SSBP2: variants seen among roughly 807,000 people sequenced by gnomAD.
SSBP2 encodes single-stranded DNA-binding protein 2.
In SSBP2, 17 loss-of-function variants were observed where a neutral mutation model predicts 61.8. The ratio of observed to expected loss-of-function variants is 0.28; its 90% CI spans 0.19 to 0.41. The LOEUF (loss-of-function observed/expected upper bound fraction) is 0.41, where lower values mean the gene tolerates loss of function less well. SSBP2 is among the 10% of genes least tolerant of loss of function. SSBP2 has a pLI of 1.00. For missense variants in SSBP2, 310 were observed against 458.7 expected (o/e 0.68, Z 2.96); for synonymous variants, 139 against 141.3 (o/e 0.98, Z 0.12).
intron 4 of SSBP2, among the ~76,000 whole-genome samples, chr5:81,567,480 G>C (rs185556758): frequency 6.6e-6 from 1 of 152,354 alleles, no homozygotes; most frequent in East Asian, 1.9e-4. Flanking sequence ...TGGATGCCCA[G>C]GCAGAAGTTT....
At chr5:81,720,833 A>G (rs1030559379) in intron 1 of SSBP2, among the ~76,000 whole-genome samples, 4 of 152,230 alleles carry the variant, frequency 2.6e-5, no homozygotes, top group Non-Finnish European at 5.9e-5. Flanking sequence ...GGTAAGATTC[A>G]TTTTACTGTT....
intron 1 of SSBP2, among the ~76,000 whole-genome samples, chr5:81,720,044 G>A (rs1423311212): frequency 1.3e-5 from 2 of 152,064 alleles, no homozygotes; most frequent in Non-Finnish European, 2.9e-5. Flanking sequence ...CAGCCCTGGA[G>A]GAGTAGTCTG....
chr5:81,683,998 G>A (rs1380764201), intron 1 of SSBP2, among the ~76,000 whole-genome samples: 2 of 152,160 alleles, frequency 1.3e-5, no homozygotes, highest in East Asian at 1.9e-4. Flanking sequence ...TTCATTGCTG[G>A]TGGAAATGCA....
At chr5:81,459,648 C>CA (rs1293054208) in intron 10 of SSBP2, among the ~76,000 whole-genome samples, 1 of 151,978 alleles carries the variant, frequency 6.6e-6, no homozygotes, top group East Asian at 1.9e-4. Context: ...AGTTTTGTTA[C>CA]AAAAAATGTT....
chr5:81,553,584 C>G (rs973915120), intron 4 of SSBP2, among the ~76,000 whole-genome samples: 14 of 152,034 alleles, frequency 9.2e-5, no homozygotes, highest in African/African-American at 3.4e-4. Context: ...GAATAATTCT[C>G]CTTTATGTTT....
At chr5:81,503,609 A>C (rs1767964124) in intron 5 of SSBP2, among the ~76,000 whole-genome samples, 1 of 152,220 alleles carries the variant, frequency 6.6e-6, no homozygotes, top group Non-Finnish European at 1.5e-5. Context: ...ACTACTATTC[A>C]ACTAGCAATC....
intron 15 of SSBP2, 69 bp from the exon 16 acceptor site, chr5:81,428,752 C>T (rs553405001): frequency 5.4e-5 from 60 of 1,114,540 alleles, no homozygotes; most frequent in Admixed American, 1.2e-4. Flanking sequence ...TGTACTGTTT[C>T]GAATATTGAA....
chr5:81,475,292 T>A (rs1245432107), intron 6 of SSBP2, among the ~76,000 whole-genome samples: 3 of 152,106 alleles, frequency 2.0e-5, no homozygotes, highest in South Asian at 4.1e-4. Flanking sequence ...TCCAAAAAAA[T>A]TCACTAATTT....
chr5:81,417,547 T>C lies in SSBP2; in HGVS notation c.*2957A>G, dbSNP rs987164907. On this transcript the variant is annotated 3_prime_UTR_variant, in exon 17 of 17. Coordinates refer to ENST00000320672, the MANE Select transcript of SSBP2 (RefSeq NM_012446.5). ...GTGTAAAAATAACACTAGGAACAGGTAGTATACATCAAGACCAACACGAAT... is the reference window on the plus strand; with the variant it reads ...GTGTAAAAATAACACTAGGAACAGGCAGTATACATCAAGACCAACACGAAT... The C allele has an allele frequency of 4.6e-5, 7 of 152,178 alleles. No homozygotes were observed. The highest frequency in any genetic ancestry group is 2.0e-4 in the Admixed American group (3 of 15,280). The allele number at this position is 152,178 out of a possible 1,614,324, so 9.4% of individuals were successfully genotyped here. A position where few individuals can be genotyped will look rare whatever the true frequency, so the allele number is the denominator to read the frequency against.
intron 3 of SSBP2, among the ~76,000 whole-genome samples, chr5:81,630,095 T>C (rs980060510): frequency 2.0e-5 from 3 of 152,194 alleles, no homozygotes; most frequent in African/African-American, 7.2e-5. Flanking sequence ...AGTCATAAAA[T>C]TAACAACTGG....
intron 1 of SSBP2, among the ~76,000 whole-genome samples, chr5:81,693,078 G>A (rs540633886): frequency 5.9e-5 from 9 of 151,780 alleles, no homozygotes; most frequent in Admixed American, 1.3e-4. Flanking sequence ...GGTGGCACGC[G>A]CCTGTAGTCC....
At chr5:81,425,295 A>G (rs978455017) in intron 16 of SSBP2, among the ~76,000 whole-genome samples, 3 of 152,178 alleles carry the variant, frequency 2.0e-5, no homozygotes, top group Non-Finnish European at 2.9e-5. Flanking sequence ...ATTTTCTTAG[A>G]GAGAAATAAA....
chr5:81,730,660 T>C (rs2153990256), intron 1 of SSBP2, among the ~76,000 whole-genome samples: 1 of 152,346 alleles, frequency 6.6e-6, no homozygotes, highest in African/African-American at 2.4e-5. Context: ...AAATTATAGG[T>C]CATAATTCTG....
intron 1 of SSBP2, among the ~76,000 whole-genome samples, chr5:81,677,821 T>G (rs1308224360): frequency 6.8e-6 from 1 of 147,158 alleles, no homozygotes; most frequent in Non-Finnish European, 1.5e-5. Context: ...TTGTCCCACC[T>G]TAAGGGTGAA....
chr5:81,543,917 T>C (rs779723238), intron 4 of SSBP2, among the ~76,000 whole-genome samples: 3 of 152,224 alleles, frequency 2.0e-5, no homozygotes, highest in Non-Finnish European at 2.9e-5. Flanking sequence ...ATGGATATGT[T>C]TGCTGTGCAA....
At chr5:81,598,109 G>A (rs1004314728) in intron 4 of SSBP2, among the ~76,000 whole-genome samples, 9 of 150,654 alleles carry the variant, frequency 6.0e-5, no homozygotes, top group Admixed American at 3.3e-4. Flanking sequence ...AATAAAAGAC[G>A]ATAAACCACA....
At chr5:81,480,385 G>A (rs933848381) in intron 6 of SSBP2, among the ~76,000 whole-genome samples, 10 of 152,160 alleles carry the variant, frequency 6.6e-5, no homozygotes, top group African/African-American at 1.2e-4. Context: ...ACACCATACC[G>A]TAGTCTATTA....
At chr5:81,727,697 T>C (rs1025410497) in intron 1 of SSBP2, among the ~76,000 whole-genome samples, 2 of 152,268 alleles carry the variant, frequency 1.3e-5, no homozygotes, top group African/African-American at 4.8e-5. Context: ...TGAGCATCTC[T>C]TGATAACTCA....
intron 4 of SSBP2, among the ~76,000 whole-genome samples, chr5:81,528,328 C>T (rs572014401): frequency 6.6e-6 from 1 of 152,130 alleles, no homozygotes; most frequent in African/African-American, 2.4e-5. Context: ...GTATCAAGTT[C>T]TCAGAAAACA....
Sources: gnomAD v4.1 joint callset for allele counts (sites outside exome capture counted in the v4.1 genomes callset) on GRCh38, gnomAD v4.1.1 for gene constraint, MANE v1.5 for transcripts, NCBI Gene and HGNC (gene_info 2026-07-23, HGNC 2026-07-21) for gene names.